SYNPR: variants seen among roughly 807,000 people sequenced by gnomAD.
The protein encoded by SYNPR is synaptoporin.
Under a neutral mutation model 32.9 loss-of-function variants are expected in SYNPR, and 23 were observed. The ratio of observed to expected loss-of-function variants is 0.70; its 90% confidence interval spans 0.50 to 0.99. The LOEUF is 0.99. Ranked by LOEUF, SYNPR falls within the 50% of genes least tolerant of loss-of-function variation. The pLI, the probability that SYNPR is intolerant of heterozygous loss-of-function variation, is 0.00. For synonymous variants in SYNPR, 146 were observed against 135.9 expected, an observed-to-expected ratio of 1.07 and a Z score of -0.52; for missense variants, 318 against 349.3, an observed-to-expected ratio of 0.91 and a Z score of 0.71.
intron 3 of SYNPR, among the ~76,000 whole-genome samples, chr3:63,521,656 T>C (rs949474263): frequency 6.6e-5 from 10 of 152,164 alleles, no homozygotes; most frequent in Non-Finnish European, 1.0e-4. Flanking sequence ...GCCAATACTC[T>C]GGAGGCAATA....
intron 4 of SYNPR, among the ~76,000 whole-genome samples, chr3:63,563,032 A>C (rs1376786362): frequency 6.6e-6 from 1 of 152,196 alleles, no homozygotes; most frequent in Non-Finnish European, 1.5e-5. Context: ...CACTATTATT[A>C]TCATTAATTT....
chr3:63,555,905 G>A (rs964465498), intron 3 of SYNPR, among the ~76,000 whole-genome samples: 1 of 152,184 alleles, frequency 6.6e-6, no homozygotes, highest in African/African-American at 2.4e-5. Context: ...ATTAAATAGA[G>A]TGATGTAATA....
intron 2 of SYNPR, among the ~76,000 whole-genome samples, chr3:63,430,220 A>T (rs555857384): frequency 1.5e-3 from 230 of 152,372 alleles, no homozygotes; most frequent in Non-Finnish European, 2.9e-3. Context: ...TAAATATTCC[A>T]TAACCTTATT....
chr3:63,594,118 C>T (rs1375211230), intron 4 of SYNPR, among the ~76,000 whole-genome samples: 1 of 152,058 alleles, frequency 6.6e-6, no homozygotes, highest in Non-Finnish European at 1.5e-5. Flanking sequence ...ACAGCTACTT[C>T]GCAGGGTTGT....
At chr3:63,368,615 G>A (rs1333051441) in intron 2 of SYNPR, among the ~76,000 whole-genome samples, 1 of 152,138 alleles carries the variant, frequency 6.6e-6, no homozygotes, top group Non-Finnish European at 1.5e-5. Context: ...GCAAAATTAG[G>A]AGAAGGAATA....
At chr3:63,556,803 T>G (rs2106828359) in intron 4 of SYNPR, 62 bp downstream of exon 4, 1 of 1,479,790 alleles carries the variant, frequency 6.8e-7, no homozygotes, top group Non-Finnish European at 9.1e-7. Flanking sequence ...TACTAATGCT[T>G]GAAGGACTTT....
intron 2 of SYNPR, among the ~76,000 whole-genome samples, chr3:63,404,507 G>A (rs377269035): frequency 6.6e-6 from 1 of 152,054 alleles, no homozygotes; most frequent in Admixed American, 6.6e-5. Context: ...GGTTTCACTG[G>A]AACATTTTAA....
rs571017178 is a variant in SYNPR, at chr3:63,529,617, A to G, written c.210-26926A>G. 9.2e-5 allele frequency among the ~76,000 whole-genome samples: 14 copies of G among 152,370 alleles called. No individual in the cohort carries two copies. In the South Asian group the frequency reaches 2.7e-3, roughly 29 times the overall value. ...TCCAACTGGACTGTAATTGAAATCC[A>G]TAGAAGTTGATGTCTTGACAGATAG... On this transcript the variant is annotated intron_variant, in intron 3 of 5. Transcript: ENST00000478300.
At position 63,236,810 on chromosome 3, in the gene SYNPR, G is replaced by C. The variant is rs556142451; in HGVS notation, n.66+8430G>C. On this transcript the variant is annotated intron_variant and non_coding_transcript_variant, in intron 1 of 4. Coordinates refer to the SYNPR transcript ENST00000478456. ...AGATAATTCTGTCATCCACTAATATGAACAGTTTTAATTCTTCCTTTCCAA... is the reference window on the plus strand; with the variant it reads ...AGATAATTCTGTCATCCACTAATATCAACAGTTTTAATTCTTCCTTTCCAA... Among the ~76,000 whole-genome samples the C allele has an allele frequency of 2.0e-5, 3 of 152,158 alleles. No homozygotes were observed. In the South Asian group the frequency reaches 6.2e-4, roughly 32 times the overall value.
rs917480045 is a variant in SYNPR, at chr3:63,262,237, G to A, written n.155-5080G>A. ...TTAGGACTGGAACAGTGGGGAAAGG[G>A]AAGTGAGGAAGAAATAGGTGGAAAA... On this transcript the variant is annotated intron_variant and non_coding_transcript_variant, in intron 2 of 4. Coordinates refer to the SYNPR transcript ENST00000478456. Among the ~76,000 whole-genome samples the A allele has an allele frequency of 6.6e-5, 10 of 152,186 alleles. No homozygotes were observed. The South Asian group carries it at 1.2e-3, about 19-fold the overall frequency.
At chr3:63,354,607 G>T (rs2107023479) in intron 2 of SYNPR, among the ~76,000 whole-genome samples, 1 of 152,338 alleles carries the variant, frequency 6.6e-6, no homozygotes, top group Non-Finnish European at 1.5e-5. Context: ...AAAGGGAGTA[G>T]ATAAAGGGAG....
At chr3:63,254,022 A>T (rs1560169265) in intron 2 of SYNPR, among the ~76,000 whole-genome samples, 1 of 152,172 alleles carries the variant, frequency 6.6e-6, no homozygotes, top group South Asian at 2.1e-4. Context: ...TTGTAGGGAC[A>T]TGGATGAAGC....
chr3:63,533,555 A>G lies in SYNPR; in HGVS notation c.210-22988A>G, dbSNP rs11914344. Among the ~76,000 whole-genome samples the G allele has an allele frequency of 2.8e-3, 419 of 152,316 alleles. 1 individual carries two copies. The highest frequency in any genetic ancestry group is 9.5e-3 in the African/African-American group (393 of 41,578). On this transcript the variant is annotated intron_variant, in intron 3 of 5. Coordinates refer to ENST00000478300, the MANE Select transcript of SYNPR (RefSeq NM_001130003.2). The stretch of plus-strand genomic sequence containing the variant: ...GAAATTACCTTGGGGTAATAAAAGC[A>G]GAGAAGGGATTTATTGTAAACATGT...
chr3:63,584,689 T>TAAAAGAGGGA (rs1163492970), intron 4 of SYNPR, among the ~76,000 whole-genome samples: 1 of 152,050 alleles, frequency 6.6e-6, no homozygotes, highest in Non-Finnish European at 1.5e-5. Flanking sequence ...CAATAAATGT[T>TAAAAGAGGGA]AAAAGAGGGA....
intron 2 of SYNPR, among the ~76,000 whole-genome samples, chr3:63,466,386 T>C (rs1700679384): frequency 6.6e-6 from 1 of 152,098 alleles, no homozygotes; most frequent in South Asian, 2.1e-4. Context: ...ATTTCACATC[T>C]TCTTCTCTCT....
At chr3:63,411,309 T>C (rs1392419927) in intron 2 of SYNPR, among the ~76,000 whole-genome samples, 1 of 152,162 alleles carries the variant, frequency 6.6e-6, no homozygotes, top group African/African-American at 2.4e-5. Flanking sequence ...ATGTTTCTGC[T>C]GGCCTATGTC....
intron 3 of SYNPR, among the ~76,000 whole-genome samples, chr3:63,501,062 G>T (rs1343984657): frequency 6.8e-6 from 1 of 148,124 alleles, no homozygotes; most frequent in Non-Finnish European, 1.5e-5. Context: ...ATGGCAAATT[G>T]TAAAAAAAAA....
chr3:63,531,132 G>A (rs1044207966), intron 3 of SYNPR, among the ~76,000 whole-genome samples: 8 of 152,178 alleles, frequency 5.3e-5, no homozygotes, highest in East Asian at 1.9e-4. Flanking sequence ...AGTGGACCGC[G>A]ATGCTGGAAG....
intron 4 of SYNPR, among the ~76,000 whole-genome samples, chr3:63,587,363 C>A (rs1195780422): frequency 6.6e-5 from 10 of 152,120 alleles, no homozygotes; most frequent in Non-Finnish European, 4.4e-5. Flanking sequence ...CACCAAAGAC[C>A]AGAGAACTTT....
Sources: gnomAD v4.1 joint callset for allele counts (sites outside exome capture counted in the v4.1 genomes callset) on GRCh38, gnomAD v4.1.1 for gene constraint, MANE v1.5 for transcripts, NCBI Gene and HGNC (gene_info 2026-07-23, HGNC 2026-07-21) for gene names.